Variants in EPHA5 observed in about 807,000 individuals in gnomAD.
EPHA5 encodes the protein ephrin type-A receptor 5.
A neutral mutation model predicts 105.0 loss-of-function variants in EPHA5; 60 were observed. The ratio of observed to expected loss-of-function variants is 0.57; its 90% CI spans 0.46 to 0.71. The LOEUF is 0.71. Among genes scored for constraint, EPHA5 ranks in the 30% least tolerant of loss-of-function variants. The pLI is 0.00. For missense variants in EPHA5, 1,218 were observed against 1,274.7 expected (o/e 0.96, Z 0.68); for synonymous variants, 513 against 449.1 (o/e 1.14, Z -1.80).
intron 3 of EPHA5, among the ~76,000 whole-genome samples, chr4:65,548,795 C>T (rs1292758708): frequency 1.3e-5 from 2 of 152,178 alleles, no homozygotes; most frequent in Middle Eastern, 3.4e-3. Flanking sequence ...AAGCTAGAAA[C>T]TCTCATGTTC....
chr4:65,377,195 T>A, intron 8 of EPHA5: 2 of 723,038 alleles, frequency 2.8e-6, no homozygotes, highest in Non-Finnish European at 4.1e-6. Flanking sequence ...TGCATACAAT[T>A]AATTTTTTTC....
chr4:65,526,745 C>A (rs1735269653), intron 3 of EPHA5, among the ~76,000 whole-genome samples: 1 of 151,766 alleles, frequency 6.6e-6, no homozygotes, highest in South Asian at 2.1e-4. Context: ...TAGATTATAT[C>A]ACTCATATAA....
At chr4:65,555,933 T>C (rs957284254) in intron 3 of EPHA5, among the ~76,000 whole-genome samples, 1 of 152,146 alleles carries the variant, frequency 6.6e-6, no homozygotes, top group Non-Finnish European at 1.5e-5. Context: ...ATGGAAAACA[T>C]ATAACAGCTT....
intron 3 of EPHA5, chr4:65,573,911 G>A (rs1471515904): frequency 5.6e-6 from 9 of 1,609,300 alleles, no homozygotes; most frequent in African/African-American, 2.7e-5. Flanking sequence ...GGACCATTCT[G>A]ATCATCCTCA....
chr4:65,566,967 C>A (rs1053952486), intron 3 of EPHA5, among the ~76,000 whole-genome samples: 1 of 151,440 alleles, frequency 6.6e-6, no homozygotes. Flanking sequence ...TCTTATAGGT[C>A]TTATATACTT....
intron 7 of EPHA5, among the ~76,000 whole-genome samples, chr4:65,413,456 T>G (rs1723100647): frequency 6.6e-6 from 1 of 152,152 alleles, no homozygotes; most frequent in African/African-American, 2.4e-5. Context: ...ACTCTTCTGA[T>G]TCTTACCAAG....
At chr4:65,497,880 C>T (rs892799527) in intron 3 of EPHA5, among the ~76,000 whole-genome samples, 1 of 151,980 alleles carries the variant, frequency 6.6e-6, no homozygotes, top group Non-Finnish European at 1.5e-5. Flanking sequence ...AGTAACTCTA[C>T]TTGAACTGGC....
chr4:65,617,342 T>C (rs1374066281), intron 2 of EPHA5, among the ~76,000 whole-genome samples: 2 of 152,080 alleles, frequency 1.3e-5, no homozygotes, highest in Middle Eastern at 3.2e-3. Flanking sequence ...GATCAATTGT[T>C]GGTGTATCGC....
At chr4:65,574,743 C>CATATATATACAT (rs1740716100) in intron 3 of EPHA5, among the ~76,000 whole-genome samples, 1 of 80,296 alleles carries the variant, frequency 1.2e-5, no homozygotes, top group East Asian at 2.6e-4. Flanking sequence ...TATATATATA[C>CATATATATACAT]ATATATATAT....
At chr4:65,406,948 A>G (rs1578038851) in intron 7 of EPHA5, among the ~76,000 whole-genome samples, 1 of 151,830 alleles carries the variant, frequency 6.6e-6, no homozygotes. Context: ...TTGTTCATTA[A>G]TTATCAGATA....
intron 8 of EPHA5, among the ~76,000 whole-genome samples, chr4:65,375,157 C>G (rs1718869357): frequency 1.3e-5 from 2 of 151,912 alleles, no homozygotes; most frequent in South Asian, 4.1e-4. Flanking sequence ...AAGTTTGTTT[C>G]TTTGGCTTTA....
At chr4:65,665,521 TA>T (rs1356616674) in intron 1 of EPHA5, among the ~76,000 whole-genome samples, 1 of 152,162 alleles carries the variant, frequency 6.6e-6, no homozygotes, top group Non-Finnish European at 1.5e-5. Flanking sequence ...CAATATGTTA[TA>T]GTAAATAATG....
intron 3 of EPHA5, among the ~76,000 whole-genome samples, chr4:65,561,796 G>A (rs1739042144): frequency 6.6e-6 from 1 of 151,982 alleles, no homozygotes; most frequent in Non-Finnish European, 1.5e-5. Flanking sequence ...GTTGCAGAAG[G>A]GGAAACCATT....
intron 2 of EPHA5, among the ~76,000 whole-genome samples, chr4:65,620,351 A>G (rs1745608462): frequency 6.6e-6 from 1 of 151,988 alleles, no homozygotes; most frequent in Non-Finnish European, 1.5e-5. Context: ...TGCGATGCAC[A>G]CTGTTTCTAT....
At chr4:65,536,762 AT>A (rs200983343) in intron 3 of EPHA5, among the ~76,000 whole-genome samples, 1,610 of 150,052 alleles carry the variant, frequency 0.011, 20 homozygotes, top group Middle Eastern at 0.038. Flanking sequence ...AAAAAAAAAA[AT>A]TCACTGTTCC....
intron 5 of EPHA5, among the ~76,000 whole-genome samples, chr4:65,485,977 A>G (rs541855748): frequency 6.6e-6 from 1 of 152,290 alleles, no homozygotes; most frequent in East Asian, 1.9e-4. Flanking sequence ...GATTGTCTTA[A>G]AGCATCCTTC....
intron 3 of EPHA5, among the ~76,000 whole-genome samples, 191 bp from the exon 4 acceptor site, chr4:65,495,734 T>G (rs34010620): frequency 0.043 from 6,546 of 152,256 alleles, 244 homozygotes; most frequent in African/African-American, 0.091. Context: ...AAATATTTAT[T>G]TAAAGTACTT....
rs202046693 is a variant in EPHA5, at chr4:65,490,530, G to T, written c.1249C>A (p.Arg417=). ...ECGGHVRYLP[R]QSGLKNTSVM... is the part of the protein sequence containing the mutation. Reference sequence around the variant, plus strand: ...GAGGTGTTTTTCAGGCCGCTTTGCCGGGGAAGGTACCTGACATGACCGCCA... The same window carrying T: ...GAGGTGTTTTTCAGGCCGCTTTGCCTGGGAAGGTACCTGACATGACCGCCA... The change falls in exon 5 of 17, where the codon CGG becomes AGG. Residue 417 remains arginine, a synonymous_variant. Transcript: ENST00000613740. 1 of 1,614,062 alleles carries T rather than the reference G, an allele frequency of 6.2e-7. No homozygotes were observed. Among genetic ancestry groups the T allele is most frequent in the Non-Finnish European group, 8.5e-7 (1 of 1,180,020 alleles).
chr4:65,455,927 T>C (rs1437428595), intron 5 of EPHA5, among the ~76,000 whole-genome samples: 2 of 152,202 alleles, frequency 1.3e-5, no homozygotes, highest in African/African-American at 2.4e-5. Context: ...CCCAAACTCG[T>C]TTCTTACACA....
Sources: gnomAD v4.1 joint callset for allele counts (sites outside exome capture counted in the v4.1 genomes callset) on GRCh38, gnomAD v4.1.1 for gene constraint, MANE v1.5 for transcripts, NCBI Gene and HGNC (gene_info 2026-07-23, HGNC 2026-07-21) for gene names.